GSDMD: variants seen among roughly 807,000 people sequenced by gnomAD.
The protein encoded by GSDMD is gasdermin D, also known as gasdermin-D.
GSDMD carries 46 observed loss-of-function variants against 46.7 expected under a neutral mutation model. That is an observed-to-expected ratio of 0.99 (90% confidence interval 0.78 to 1.26). The LOEUF is 1.26. GSDMD is among the 50% of genes most tolerant of loss of function. The probability of loss-of-function intolerance (pLI) is 0.00; values close to 1 mark genes in which losing one functional copy is unlikely to be tolerated. For missense variants in GSDMD, 649 were observed against 638.8 expected, an observed-to-expected ratio of 1.02 and a Z score of -0.17; for synonymous variants, 307 against 283.1, an observed-to-expected ratio of 1.08 and a Z score of -0.85.
intron 2 of GSDMD, 71 bp downstream of exon 2, chr8:143,559,623 C>G: frequency 6.7e-7 from 1 of 1,493,516 alleles, no homozygotes; most frequent in South Asian, 1.2e-5. Flanking sequence ...TGGGGCCAAC[C>G]ATCCACTGGG....
At chr8:143,561,191 C>T in intron 5 of GSDMD, 87 bp downstream of exon 5, 1 of 1,354,858 alleles carries the variant, frequency 7.4e-7, no homozygotes, top group Non-Finnish European at 1.0e-6. Flanking sequence ...GCTTGGGCTG[C>T]CGTGGGCCCC....
intron 1 of GSDMD, 52 bp from the exon 2 acceptor site, chr8:143,559,280 T>TGGCG: frequency 1.7e-6 from 1 of 579,428 alleles, no homozygotes; most frequent in Non-Finnish European, 3.2e-6. Flanking sequence ...CTTCTCCCAC[T>TGGCG]CCCTCCCGCC....
rs1403947850 is a variant in GSDMD, at chr8:143,559,792, G to A, written c.233G>A (p.Arg78Lys). ...DAAEPDVQRG[R>K]SFHFYDAMDG... ...CTTGCTTTAGACGTGCAGCGTGGCA[G>A]GAGCTTCCACTTCTACGATGCCATG... Residue 78 changes from arginine (R) to lysine (K), a missense_variant, in exon 3 of 11, where the codon AGG becomes AAG. Transcript: ENST00000262580. The A allele has an allele frequency of 1.9e-6, 3 of 1,602,598 alleles. No individual in the cohort carries two copies. In the South Asian group the frequency reaches 3.4e-5, roughly 18 times the overall value.
chr8:143,560,043 T>C, intron 3 of GSDMD, 74 bp downstream of exon 3: 1 of 1,343,528 alleles, frequency 7.4e-7, no homozygotes, highest in South Asian at 1.3e-5. Flanking sequence ...TATTTATTTA[T>C]TTAAATTATT....
chr8:143,559,238 C>A, intron 1 of GSDMD, 94 bp from the exon 2 acceptor site: 1 of 783,990 alleles, frequency 1.3e-6, no homozygotes. Context: ...GGGAAGGAGT[C>A]CCCCATCATG....
upstream of GSDMD, chr8:143,555,873 C>G (rs139130147): frequency 6.6e-6 from 1 of 151,966 alleles, no homozygotes; most frequent in African/African-American, 2.4e-5. Flanking sequence ...AGTTCAAGAC[C>G]AGCCTGGGCA....
upstream of GSDMD, chr8:143,558,307 G>C: frequency 6.6e-7 from 1 of 1,517,100 alleles, no homozygotes. Context: ...CTCCGGGACG[G>C]TTCCGGGAGG....
chr8:143,560,102 G>C, intron 3 of GSDMD, 133 bp downstream of exon 3: 1 of 865,052 alleles, frequency 1.2e-6, no homozygotes, highest in Non-Finnish European at 1.9e-6. Flanking sequence ...TTGAACTCCT[G>C]GCCTCAAGCA....
intron 4 of GSDMD, 77 bp from the exon 5 acceptor site, chr8:143,560,925 C>T (rs1243132964): frequency 2.0e-6 from 3 of 1,469,364 alleles, no homozygotes; most frequent in African/African-American, 2.8e-5. Flanking sequence ...GGCGGGCCTG[C>T]CCCCGGCACC....
At chr8:143,557,519 G>GC (rs1823337710), upstream of GSDMD, among the ~76,000 whole-genome samples, 1 of 152,164 alleles carries the variant, frequency 6.6e-6, no homozygotes, top group African/African-American at 2.4e-5. Flanking sequence ...GGATGCTGCC[G>GC]TGAACTTTGG....
intron 9 of GSDMD, 26 bp downstream of exon 9, chr8:143,562,376 C>A (rs769629981): frequency 3.7e-6 from 1 of 267,166 alleles, no homozygotes; most frequent in Non-Finnish European, 6.3e-6. Flanking sequence ...GGGCAGGTGG[C>A]GGGTGGGAGG....
upstream of GSDMD, among the ~76,000 whole-genome samples, chr8:143,554,492 A>G (rs1823264701): frequency 6.6e-6 from 1 of 150,876 alleles, no homozygotes. Context: ...GCACGTGCAT[A>G]CACATACGCA....
At chr8:143,559,688 G>T (rs899531832) in intron 2 of GSDMD, 89 bp from the exon 3 acceptor site, 59 of 1,458,192 alleles carry the variant, frequency 4.0e-5, no homozygotes, top group Non-Finnish European at 5.3e-5. Flanking sequence ...CTTTCCAAAG[G>T]TCCCTCTGCC....
chr8:143,558,354 A>C lies in GSDMD; in HGVS notation c.-102A>C, dbSNP rs1305007315. 39 of 1,524,500 alleles carry C rather than the reference A, an allele frequency of 2.6e-5. No homozygotes were observed. The highest frequency in any genetic ancestry group is 3.3e-5 in the Non-Finnish European group (38 of 1,142,270). The allele number at this position is 1,524,500 out of a possible 1,614,324, so 94.4% of individuals were successfully genotyped here. A position where few individuals can be genotyped will look rare whatever the true frequency, so the allele number is the denominator to read the frequency against. On this transcript the variant is annotated 5_prime_UTR_variant, in exon 1 of 11. Transcript: ENST00000262580. ...GGGCCCTGCGTCAGGTTGCAGTTTC[A>C]CTTTTAGCTCTGGGCACCTCCAGCT...
upstream of GSDMD, among the ~76,000 whole-genome samples, chr8:143,554,871 C>G (rs1823274559): frequency 6.6e-6 from 1 of 152,258 alleles, no homozygotes; most frequent in Admixed American, 6.5e-5. Flanking sequence ...GGGCCCACAC[C>G]CAGCTAATGG....
At chr8:143,560,023 T>A in intron 3 of GSDMD, 54 bp downstream of exon 3, 1 of 1,274,574 alleles carries the variant, frequency 7.8e-7, no homozygotes, top group Non-Finnish European at 1.1e-6. Context: ...CAAGCAACCC[T>A]GCTTTTATTT....
intron 6 of GSDMD, 67 bp downstream of exon 6, chr8:143,561,490 C>G: frequency 2.0e-6 from 3 of 1,480,794 alleles, no homozygotes; most frequent in East Asian, 2.3e-5. Flanking sequence ...GCAGTTGAGG[C>G]CTTCTCCTCA....
intron 3 of GSDMD, 173 bp downstream of exon 3, chr8:143,560,142 G>T (rs1471249117): frequency 1.4e-6 from 1 of 726,184 alleles, no homozygotes; most frequent in South Asian, 1.5e-5. Context: ...CCAAAGTGCT[G>T]GGATTACAGG....
At chr8:143,559,672 CG>C in intron 2 of GSDMD, 104 bp from the exon 3 acceptor site, 1 of 1,402,654 alleles carries the variant, frequency 7.1e-7, no homozygotes, top group Non-Finnish European at 9.7e-7. Flanking sequence ...TTCCAGAGGC[CG>C]GGGCCTTTCC....
Sources: allele counts gnomAD v4.1 joint callset (sites outside exome capture counted in the v4.1 genomes callset), GRCh38; gene constraint gnomAD v4.1.1; transcripts MANE v1.5; gene names NCBI Gene and HGNC (gene_info 2026-07-23, HGNC 2026-07-21).